GPD1L: variants seen among roughly 807,000 people sequenced by gnomAD.
GPD1L encodes the protein glycerol-3-phosphate dehydrogenase 1-like protein.
In GPD1L, 17 loss-of-function variants were observed where a neutral mutation model predicts 32.9. The observed-to-expected ratio is 0.52, with a 90% CI of 0.35 to 0.78. GPD1L has a LOEUF of 0.78. Ranked by LOEUF, GPD1L falls within the 30% of genes least tolerant of loss-of-function variation. The pLI, the probability that GPD1L is intolerant of heterozygous loss-of-function variation, is 0.01. For missense variants in GPD1L, 361 were observed against 447.8 expected (o/e 0.81, Z 1.75); for synonymous variants, 187 against 165.9 (o/e 1.13, Z -0.98).
rs141992168 is a variant in GPD1L, at chr3:32,111,609, A to G, written c.47+4851A>G. Among the ~76,000 whole-genome samples, 1,119 of 152,282 alleles carry G rather than the reference A, an allele frequency of 7.3e-3. 18 individuals are homozygous for G. The highest frequency in any genetic ancestry group is 0.025 in the African/African-American group (1,051 of 41,556). On this transcript the variant is annotated intron_variant, in intron 1 of 7. Coordinates refer to ENST00000282541, the MANE Select transcript of GPD1L (RefSeq NM_015141.4). ...AATGGACTGGTTTGGGGTTTGGCCA[A>G]GGGGTAGAGAGGCAGAGGATAGGAG... is the stretch of plus-strand genomic sequence containing the variant.
intron 3 of GPD1L, among the ~76,000 whole-genome samples, chr3:32,139,430 G>A (rs569644215): frequency 8.5e-5 from 13 of 152,234 alleles, no homozygotes; most frequent in East Asian, 1.9e-4. Context: ...ATAAAACAGT[G>A]CATATATTAC....
intron 2 of GPD1L, among the ~76,000 whole-genome samples, chr3:32,132,960 A>G (rs1700607643): frequency 6.6e-6 from 1 of 152,200 alleles, no homozygotes. Context: ...TGTGAATTTC[A>G]CCTGAGATCT....
At position 32,112,377 on chromosome 3, in the gene GPD1L, G is replaced by A. The variant is rs13099475; in HGVS notation, c.47+5619G>A. 3.8e-3 allele frequency among the ~76,000 whole-genome samples: 211 copies of A among 56,224 alleles called. 72 individuals carry two copies. Among genetic ancestry groups the A allele is most frequent in the African/African-American group, 0.032 (204 of 6,304 alleles). 36.9% of individuals were successfully genotyped at this position (56,224 alleles called of 152,430 possible). A position where few individuals can be genotyped will look rare whatever the true frequency, so the allele number is the denominator to read the frequency against. Reference sequence around the variant, plus strand: ...TGGCCGGGCGCAGTGGCTCATGCCTGTAATCCCAACACTTTGGGAGGCTGA... The same window carrying A: ...TGGCCGGGCGCAGTGGCTCATGCCTATAATCCCAACACTTTGGGAGGCTGA... On this transcript the variant is annotated intron_variant, in intron 1 of 7. Transcript: ENST00000282541.
intron 1 of GPD1L, among the ~76,000 whole-genome samples, chr3:32,112,499 T>C (rs1249296416): frequency 1.3e-5 from 2 of 152,134 alleles, no homozygotes; most frequent in Non-Finnish European, 2.9e-5. Flanking sequence ...TAGCTGGGCA[T>C]GATGGCATGC....
At chr3:32,152,418 A>G (rs74959800) in intron 5 of GPD1L, among the ~76,000 whole-genome samples, 1,874 of 152,250 alleles carry the variant, frequency 0.012, 45 homozygotes, top group African/African-American at 0.043. Context: ...GTATTGGCTC[A>G]TACAGTTCTG....
At chr3:32,129,010 G>A (rs1242941162) in intron 2 of GPD1L, among the ~76,000 whole-genome samples, 1 of 152,234 alleles carries the variant, frequency 6.6e-6, no homozygotes, top group Non-Finnish European at 1.5e-5. Context: ...GTTATTGCCT[G>A]ACCTCCTTCT....
At chr3:32,161,742 A>G (rs1445375931) in intron 7 of GPD1L, among the ~76,000 whole-genome samples, 8 of 152,192 alleles carry the variant, frequency 5.3e-5, no homozygotes, top group African/African-American at 1.7e-4. Flanking sequence ...TGCTCTGAGC[A>G]GACATCTCTC....
At chr3:32,147,623 G>C (rs1488902456) in intron 5 of GPD1L, among the ~76,000 whole-genome samples, 3 of 152,126 alleles carry the variant, frequency 2.0e-5, no homozygotes, top group Non-Finnish European at 4.4e-5. Flanking sequence ...AAGAGTGGGG[G>C]GAATAGGGGA....
At chr3:32,143,154 G>A (rs754690371) in intron 4 of GPD1L, among the ~76,000 whole-genome samples, 8 of 151,932 alleles carry the variant, frequency 5.3e-5, no homozygotes, top group African/African-American at 7.2e-5. Context: ...CTATGATCAC[G>A]TCATTGCACT....
At chr3:32,131,408 C>T (rs1424944800) in intron 2 of GPD1L, among the ~76,000 whole-genome samples, 1 of 152,200 alleles carries the variant, frequency 6.6e-6, no homozygotes, top group Non-Finnish European at 1.5e-5. Context: ...CTCCTGTTTT[C>T]CCCAGTTGTC....
At chr3:32,125,622 C>T (rs942331205) in intron 1 of GPD1L, among the ~76,000 whole-genome samples, 2 of 152,114 alleles carry the variant, frequency 1.3e-5, no homozygotes, top group Admixed American at 1.3e-4. Flanking sequence ...TATTGAAGTC[C>T]ACTGCAGTTT....
rs1208554983 is a variant in GPD1L, at chr3:32,167,999, G to A, written c.*2089G>A. Reference sequence around the variant, plus strand: ...TACTTTAAAAGATATATAAAGGGCTGTAAGCTAATTGTGGTGTCTAGTAAG... The same window carrying A: ...TACTTTAAAAGATATATAAAGGGCTATAAGCTAATTGTGGTGTCTAGTAAG... On this transcript the variant is annotated 3_prime_UTR_variant, in exon 8 of 8. Transcript: ENST00000282541. The A allele has an allele frequency of 6.6e-6, 1 of 152,188 alleles. No individual in the cohort carries two copies. The highest frequency in any genetic ancestry group is 1.5e-5 in the Non-Finnish European group (1 of 68,040). 9.4% of individuals were successfully genotyped at this position (152,188 alleles called of 1,614,324 possible).
At chr3:32,116,614 G>A (rs2125470881) in intron 1 of GPD1L, among the ~76,000 whole-genome samples, 1 of 151,836 alleles carries the variant, frequency 6.6e-6, no homozygotes, top group East Asian at 1.9e-4. Flanking sequence ...GGGGATTGGG[G>A]TGGGGACTGA....
chr3:32,153,505 G>C (rs7642090), intron 5 of GPD1L, among the ~76,000 whole-genome samples: 60,046 of 152,030 alleles, frequency 0.39, 13,062 homozygotes, highest in East Asian at 0.6. Context: ...ATATTGGTGC[G>C]ACCGACTAGG....
At chr3:32,137,393 G>C (rs1034036692) in intron 2 of GPD1L, among the ~76,000 whole-genome samples, 2 of 152,186 alleles carry the variant, frequency 1.3e-5, no homozygotes, top group Non-Finnish European at 2.9e-5. Flanking sequence ...CTCGGCATGT[G>C]CTGTCCTCCT....
chr3:32,122,137 A>G (rs546803640), intron 1 of GPD1L, among the ~76,000 whole-genome samples: 25 of 152,156 alleles, frequency 1.6e-4, no homozygotes, highest in Non-Finnish European at 3.1e-4. Flanking sequence ...TCCAAGCTCC[A>G]TGAGGATGGG....
intron 5 of GPD1L, among the ~76,000 whole-genome samples, chr3:32,156,517 C>T (rs1449778430): frequency 6.6e-6 from 1 of 152,234 alleles, no homozygotes; most frequent in Non-Finnish European, 1.5e-5. Flanking sequence ...TATTCTCTAG[C>T]CCTCTTCATT....
chr3:32,159,481 G>GA (rs67330075), intron 6 of GPD1L, 87 bp from the exon 7 acceptor site: 7,767 of 712,702 alleles, frequency 0.011, 57 homozygotes, highest in East Asian at 0.03. Flanking sequence ...AAAAAAAAAA[G>GA]AAAAAAAACA....
In GPD1L at chr3:32,106,750, G is replaced by T; in HGVS notation, c.39G>T (p.Ser13=). 1 of 1,557,922 alleles carries T rather than the reference G, an allele frequency of 6.4e-7. No homozygotes were observed. Among genetic ancestry groups the T allele is most frequent in the Non-Finnish European group, 8.7e-7 (1 of 1,152,614 alleles). The change falls in exon 1 of 8, where the codon TCG becomes TCT. Residue 13 remains serine, a synonymous_variant. Transcript: ENST00000282541. The surrounding 1 kb of genome is among the most constrained non-coding windows in gnomAD (Gnocchi z 4.0). The part of the protein sequence containing the change: ...AAPLKVCIVG[S]GNWGSAVAKI... ...CCCTGAAAGTGTGCATCGTGGGCTC[G>T]GGGAACTGGTGAGCGGCGGCGGGCT...
Sources: allele counts gnomAD v4.1 joint callset (sites outside exome capture counted in the v4.1 genomes callset), GRCh38; gene constraint gnomAD v4.1.1; non-coding constraint Gnocchi (gnomAD v3.1); transcripts MANE v1.5; gene names NCBI Gene and HGNC (gene_info 2026-07-23, HGNC 2026-07-21).